The following KPNA7 variants were observed in gnomAD, a reference collection of about 807,000 sequenced individuals.
KPNA7 encodes the protein importin subunit alpha-8.
Under a neutral mutation model 53.7 loss-of-function variants are expected in KPNA7, and 54 were observed. The observed-to-expected ratio is 1.01, with a 90% CI of 0.81 to 1.26. The LOEUF is 1.26. KPNA7 is among the 50% of genes most tolerant of loss of function. The pLI is 0.00. For synonymous variants in KPNA7, 276 were observed against 259.3 expected (o/e 1.06, Z -0.62); for missense variants, 640 against 644.5 (o/e 0.99, Z 0.07).
chr7:99,212,982 C>T (rs1791115373), upstream of KPNA7, among the ~76,000 whole-genome samples: 1 of 152,000 alleles, frequency 6.6e-6, no homozygotes, highest in Non-Finnish European at 1.5e-5. Flanking sequence ...ACCAGAATAA[C>T]CAATGTCAAG....
the KPNA7 span, among the ~76,000 whole-genome samples, chr7:99,149,171 G>T: frequency 6.6e-6 from 1 of 152,090 alleles, no homozygotes; most frequent in Non-Finnish European, 1.5e-5. Flanking sequence ...CCAAAGTGCT[G>T]TGATTTCAGG....
At chr7:99,187,193 G>A (rs1430705439) in intron 7 of KPNA7, among the ~76,000 whole-genome samples, 1 of 152,134 alleles carries the variant, frequency 6.6e-6, no homozygotes, top group Non-Finnish European at 1.5e-5. Context: ...AGGAGGCTGA[G>A]GCAAGAGAAT....
chr7:99,150,280 G>C, the KPNA7 span, among the ~76,000 whole-genome samples: 4 of 151,988 alleles, frequency 2.6e-5, no homozygotes, highest in African/African-American at 4.8e-5. Flanking sequence ...ATTTTTAGTA[G>C]AGACAGGGTT....
chr7:99,154,761 A>G, the KPNA7 span, among the ~76,000 whole-genome samples: 141,480 of 152,054 alleles, frequency 0.93, 65,979 homozygotes, highest in East Asian at 1. Context: ...TCCTGACCTC[A>G]TGAACCGCCC....
In KPNA7 at chr7:99,188,529, G is replaced by A. The variant is rs1789759878; in HGVS notation, c.671C>T (p.Ser224Leu). The change falls in exon 7 of 11, where the codon TCG (serine) becomes TTG (leucine). Residue 224 changes from serine (S) to leucine (L), a missense_variant. By Grantham distance (145) the Ser-to-Leu change is moderately radical (BLOSUM62 -2). Transcript: ENST00000327442. ...TFLRNITWTL[S>L]NLCRNKNPYP... ...TGGGTTCTTGTTTCGGCACAGATTCGACAAGGTCCACGTGATGTTCCGCAG... is the reference window on the plus strand; with the variant it reads ...TGGGTTCTTGTTTCGGCACAGATTCAACAAGGTCCACGTGATGTTCCGCAG... The A allele has an allele frequency of 3.9e-6, 6 of 1,551,540 alleles. No homozygotes were observed. Among genetic ancestry groups the A allele is most frequent in the African/African-American group, 2.7e-5 (2 of 73,024 alleles).
At chr7:99,185,225 C>T in intron 7 of KPNA7, 63 bp from the exon 8 acceptor site, 1 of 1,167,276 alleles carries the variant, frequency 8.6e-7, no homozygotes, top group South Asian at 1.3e-5. Flanking sequence ...GCAACAATCA[C>T]ACCAAGTTCT....
chr7:99,153,981 T>C, the KPNA7 span, among the ~76,000 whole-genome samples: 1 of 151,734 alleles, frequency 6.6e-6, no homozygotes, highest in Non-Finnish European at 1.5e-5. Context: ...AAAAAAAGTT[T>C]CCATAATTTT....
chr7:99,151,913 G>A, the KPNA7 span, among the ~76,000 whole-genome samples: 3 of 152,204 alleles, frequency 2.0e-5, no homozygotes, highest in African/African-American at 4.8e-5. Flanking sequence ...GGCTGGGCAC[G>A]GTGGCTCACG....
upstream of KPNA7, among the ~76,000 whole-genome samples, chr7:99,212,502 C>T (rs1791102433): frequency 6.6e-6 from 1 of 151,914 alleles, no homozygotes; most frequent in East Asian, 1.9e-4. Context: ...GGCCCACCCG[C>T]CTCGGTCCCC....
Position 99,180,553 on chromosome 7 carries a change from GTC to G in KPNA7, c.1317+1328_1317+1329del, listed in dbSNP as rs1563067448. Among the ~76,000 whole-genome samples the G allele has an allele frequency of 3.9e-3, 182 of 46,100 alleles. 1 individual carries two copies. The highest frequency in any genetic ancestry group is 8.5e-3 in the African/African-American group (146 of 17,260). 30.2% of individuals were successfully genotyped at this position (46,100 alleles called of 152,430 possible). A position where few individuals can be genotyped will look rare whatever the true frequency, so the allele number is the denominator to read the frequency against. On this transcript the variant is annotated intron_variant, in intron 9 of 10. Coordinates refer to ENST00000327442, the MANE Select transcript of KPNA7 (RefSeq NM_001145715.3). ...TCTCTGTCTCCGTCTGTCTCCGTCT[GTC>G]TCTGTCTCTGTCCATCTGTCTCTGT...
In KPNA7 at chr7:99,185,176, G is replaced by T; in HGVS notation, c.901-14C>A. ...GAGAGAAGGAGTCTGGAAGAGCAAG[G>T]CTAGAAGTCTAAGTATTTCAAGTCT... On this transcript the variant is annotated splice_polypyrimidine_tract_variant and intron_variant, in intron 7 of 10. Coordinates refer to ENST00000327442, the MANE Select transcript of KPNA7 (RefSeq NM_001145715.3). 6.6e-7 allele frequency: 1 copy of T among 1,524,542 alleles called. No individual in the cohort carries two copies. Among genetic ancestry groups the T allele is most frequent in the African/African-American group, 1.4e-5 (1 of 72,768 alleles). 94.4% of individuals were successfully genotyped at this position (1,524,542 alleles called of 1,614,324 possible).
intron 10 of KPNA7, 76 bp downstream of exon 10, chr7:99,177,843 GC>G: frequency 2.0e-6 from 3 of 1,467,696 alleles, no homozygotes; most frequent in Non-Finnish European, 2.8e-6. Context: ...AACAGCCCAG[GC>G]CCCGGCAGGG....
chr7:99,198,627 C>T (rs1279317110), intron 3 of KPNA7, among the ~76,000 whole-genome samples: 1 of 152,088 alleles, frequency 6.6e-6, no homozygotes, highest in Non-Finnish European at 1.5e-5. Flanking sequence ...AAGGAAACTT[C>T]TTCATTCTGA....
At chr7:99,212,182 C>T (rs1397246405), upstream of KPNA7, among the ~76,000 whole-genome samples, 1 of 150,646 alleles carries the variant, frequency 6.6e-6, no homozygotes, top group African/African-American at 2.4e-5. Flanking sequence ...AAGACAGCCT[C>T]AGCACTGGGA....
At chr7:99,186,173 A>T (rs1253895565) in intron 7 of KPNA7, among the ~76,000 whole-genome samples, 1 of 152,182 alleles carries the variant, frequency 6.6e-6, no homozygotes, top group Admixed American at 6.6e-5. Flanking sequence ...AGATAATGAG[A>T]TCTCAATGCC....
chr7:99,208,936 G>A (rs141396452), upstream of KPNA7, among the ~76,000 whole-genome samples: 2,045 of 152,220 alleles, frequency 0.013, 40 homozygotes, highest in African/African-American at 0.046. Context: ...TGGATCACTT[G>A]AGGCCAGGAG....
chr7:99,189,683 G>A (rs181950027), intron 6 of KPNA7, among the ~76,000 whole-genome samples: 38 of 152,080 alleles, frequency 2.5e-4, no homozygotes, highest in East Asian at 1.9e-3. Context: ...GTGCAGTGCC[G>A]TGATCATAGC....
intron 3 of KPNA7, among the ~76,000 whole-genome samples, chr7:99,199,070 A>T (rs1466649570): frequency 1.6e-5 from 2 of 126,306 alleles, no homozygotes; most frequent in Non-Finnish European, 3.5e-5. Flanking sequence ...AAACTGAAAA[A>T]AAAAAAAAAA....
chr7:99,177,036 G>A (rs1178830748), intron 10 of KPNA7, among the ~76,000 whole-genome samples: 1 of 152,216 alleles, frequency 6.6e-6, no homozygotes, highest in Non-Finnish European at 1.5e-5. Flanking sequence ...TCAATGGAGT[G>A]TTAGCCTTAA....
Sources: gnomAD v4.1 joint callset for allele counts (sites outside exome capture counted in the v4.1 genomes callset) on GRCh38, gnomAD v4.1.1 for gene constraint, MANE v1.5 for transcripts, NCBI Gene and HGNC (gene_info 2026-07-23, HGNC 2026-07-21) for gene names.